Variants in KIFC1 observed in about 807,000 individuals in gnomAD.
KIFC1 encodes the protein kinesin family member C1, also known as kinesin-like protein KIFC1.
A neutral mutation model predicts 66.6 loss-of-function variants in KIFC1; 37 were observed. The observed-to-expected ratio is 0.56, with a 90% CI of 0.43 to 0.73. The LOEUF is 0.73. Among genes scored for constraint, KIFC1 ranks in the 30% least tolerant of loss-of-function variants. The pLI, the probability that KIFC1 is intolerant of heterozygous loss-of-function variation, is 0.00. For missense variants in KIFC1, 721 were observed against 859.8 expected, an observed-to-expected ratio of 0.84 and a Z score of 2.02; for synonymous variants, 325 against 343.5, an observed-to-expected ratio of 0.95 and a Z score of 0.60.
rs905217589 is a variant in KIFC1 at position 33,400,702 on chromosome 6, A to G, written c.250+2315A>G. 1 of 575,694 alleles carries G rather than the reference A, an allele frequency of 1.7e-6. No individual in the cohort carries two copies. The highest frequency in any genetic ancestry group is 3.1e-6 in the Non-Finnish European group (1 of 322,344). The allele number at this position is 575,694 out of a possible 1,614,324, so 35.7% of individuals were successfully genotyped here. On this transcript the variant is annotated intron_variant, in intron 3 of 10. Transcript: ENST00000428849. This position sits in a 1 kb window ranked among gnomAD's most constrained non-coding sequence, Gnocchi z 4.3. ...CGCTCTGTCGCCCAGGCTGGAGTGC[A>G]GTGGCACAATCTCGGCTCACTGCAA...
rs562615563 is a variant in KIFC1 at position 33,404,951 on chromosome 6, C to T, written c.856C>T (p.Arg286Trp). The stretch of plus-strand genomic sequence containing the variant: ...GGCCCAGGCAGCCTTACTGACTGAG[C>T]GGGAAGAACGTCTTCATGGGCTAGA... ...TVAQAALLTE[R>W]EERLHGLEME... Residue 286 changes from arginine (R) to tryptophan (W), a missense_variant, in exon 7 of 11, where the codon CGG (arginine) becomes TGG (tryptophan). Transcript: ENST00000428849. The surrounding 1 kb of genome is among the most constrained non-coding windows in gnomAD (Gnocchi z 4.0). 2.8e-5 allele frequency: 46 copies of T among 1,614,074 alleles called. No individual in the cohort carries two copies. In the East Asian group the frequency reaches 2.9e-4, roughly 10 times the overall value.
chr6:33,392,724 G>C (rs1230481373), intron 1 of KIFC1, among the ~76,000 whole-genome samples: 1 of 152,120 alleles, frequency 6.6e-6, no homozygotes, highest in African/African-American at 2.4e-5. Context: ...TTCACGTTCA[G>C]GTTTCCCTGA....
chr6:33,395,561 A>G (rs1030059716), intron 1 of KIFC1, among the ~76,000 whole-genome samples: 20 of 152,196 alleles, frequency 1.3e-4, no homozygotes, highest in African/African-American at 3.9e-4. Context: ...TATGCTTCTC[A>G]CTGTGGAAAG....
intron 1 of KIFC1, among the ~76,000 whole-genome samples, chr6:33,396,892 T>C (rs376449773): frequency 6.9e-4 from 104 of 151,782 alleles, no homozygotes; most frequent in Non-Finnish European, 9.7e-4. Flanking sequence ...CCGTGTTAGC[T>C]AGGATGGTCT....
rs990031307 is a variant in KIFC1, at chr6:33,406,169, T to C, written c.1537-27T>C. ...ACTATGTACTGACTTCTGCCTGCCT[T>C]TTTGCCCCTTCTGCTCCCATCCCCA... On this transcript the variant is annotated intron_variant, in intron 7 of 10. Transcript: ENST00000428849. The surrounding 1 kb of genome is among the most constrained non-coding windows in gnomAD (Gnocchi z 4.5). 1 of 1,574,962 alleles carries C rather than the reference T, an allele frequency of 6.3e-7. No individual in the cohort carries two copies. The highest frequency in any genetic ancestry group is 8.6e-7 in the Non-Finnish European group (1 of 1,157,620).
In KIFC1 at chr6:33,405,767, G is replaced by C; in HGVS notation, c.1536+136G>C. 3 of 950,634 alleles carry C rather than the reference G, an allele frequency of 3.2e-6. No homozygotes were observed. Among genetic ancestry groups the C allele is most frequent in the Non-Finnish European group, 4.4e-6 (3 of 676,380 alleles). 58.9% of individuals were successfully genotyped at this position (950,634 alleles called of 1,614,324 possible). ...GTTATCAGGCTGGGTTACCACATCC[G>C]GTTTTGGCCTGTGGGCTGTCGGTAG... On this transcript the variant is annotated intron_variant, in intron 7 of 10. Transcript: ENST00000428849. This position sits in a 1 kb window ranked among gnomAD's most constrained non-coding sequence, Gnocchi z 5.4.
intron 1 of KIFC1, among the ~76,000 whole-genome samples, chr6:33,396,151 A>G (rs1287921493): frequency 6.6e-6 from 1 of 152,246 alleles, no homozygotes; most frequent in East Asian, 1.9e-4. Flanking sequence ...AAAAATAATG[A>G]TGCTCTGTGA....
At position 33,405,259 on chromosome 6, in the gene KIFC1, T is replaced by A. The variant is rs1409177792; in HGVS notation, c.1164T>A (p.Phe388Leu). The A allele has an allele frequency of 6.2e-7, 1 of 1,614,096 alleles. No individual in the cohort carries two copies. Among genetic ancestry groups the A allele is most frequent in the Non-Finnish European group, 8.5e-7 (1 of 1,180,046 alleles). ...FPPGSGQDEV[F>L]EEIAMLVQSA... is the part of the protein sequence containing the mutation. ...CAGGAAGTGGACAGGATGAAGTGTT[T>A]GAAGAGATTGCCATGCTTGTCCAGT... Residue 388 changes from phenylalanine to leucine, a missense_variant, in exon 7 of 11, where the codon TTT becomes TTA. Coordinates refer to ENST00000428849, the MANE Select transcript of KIFC1 (RefSeq NM_002263.4). The surrounding 1 kb of genome is among the most constrained non-coding windows in gnomAD (Gnocchi z 5.4).
At chr6:33,407,860 C>G (rs554805800) in intron 10 of KIFC1, among the ~76,000 whole-genome samples, 1 of 152,208 alleles carries the variant, frequency 6.6e-6, no homozygotes, top group Non-Finnish European at 1.5e-5. Context: ...CTCTGGTACA[C>G]CCTCCTCCTG....
chr6:33,409,122 C>T (rs1775785691), intron 10 of KIFC1, among the ~76,000 whole-genome samples: 1 of 152,104 alleles, frequency 6.6e-6, no homozygotes, highest in Non-Finnish European at 1.5e-5. Flanking sequence ...GCCGAGATCG[C>T]GCCACTGCAC....
chr6:33,408,898 C>T (rs1296760674), intron 10 of KIFC1, among the ~76,000 whole-genome samples: 4 of 152,078 alleles, frequency 2.6e-5, no homozygotes, highest in African/African-American at 2.4e-5. Context: ...CCTGGCCGGG[C>T]GCGGTGGCTC....
chr6:33,393,608 T>C (rs1774896019), intron 1 of KIFC1, among the ~76,000 whole-genome samples: 1 of 150,674 alleles, frequency 6.6e-6, no homozygotes, highest in Non-Finnish European at 1.5e-5. Context: ...GCCTGGCTGA[T>C]TTTTTGTATT....
At chr6:33,393,254 G>A (rs986620970) in intron 1 of KIFC1, among the ~76,000 whole-genome samples, 4 of 152,066 alleles carry the variant, frequency 2.6e-5, no homozygotes, top group Admixed American at 6.6e-5. Context: ...TGAGCAAGGG[G>A]AAAAGTTGTG....
At chr6:33,399,635 AAC>A (rs9280439) in intron 3 of KIFC1, among the ~76,000 whole-genome samples, 14,219 of 152,290 alleles carry the variant, frequency 0.093, 949 homozygotes, top group Middle Eastern at 0.17. Context: ...TAGGTAACAT[AAC>A]ACAGTGGTAA....
At chr6:33,396,971 C>G (rs1225954940) in intron 1 of KIFC1, among the ~76,000 whole-genome samples, 1 of 146,390 alleles carries the variant, frequency 6.8e-6, no homozygotes, top group Non-Finnish European at 1.5e-5. Context: ...CATAAGCCAC[C>G]GCGCCTGGCC....
At chr6:33,394,198 C>T (rs974675156) in intron 1 of KIFC1, among the ~76,000 whole-genome samples, 1 of 152,078 alleles carries the variant, frequency 6.6e-6, no homozygotes, top group African/African-American at 2.4e-5. Context: ...AGTTGAGAAC[C>T]ACTGGTTTAT....
Position 33,406,912 on chromosome 6 carries a change from G to T in KIFC1, c.1977+37G>T. ...ACCCGTCAGCCTTGTCAGGACCCGT[G>T]GGTGGTTGTAGGCTTCTCCATTCCA... On this transcript the variant is annotated intron_variant, in intron 10 of 10. Coordinates refer to ENST00000428849, the MANE Select transcript of KIFC1 (RefSeq NM_002263.4). This position sits in a 1 kb window ranked among gnomAD's most constrained non-coding sequence, Gnocchi z 4.5. The T allele has an allele frequency of 1.2e-6, 2 of 1,613,508 alleles. No homozygotes were observed. Among genetic ancestry groups the T allele is most frequent in the Non-Finnish European group, 1.7e-6 (2 of 1,179,712 alleles).
Position 33,403,950 on chromosome 6 carries a change from G to T in KIFC1, c.577G>T (p.Ala193Ser). 6.2e-7 allele frequency: 1 copy of T among 1,614,234 alleles called. No homozygotes were observed. The highest frequency in any genetic ancestry group is 2.2e-5 in the East Asian group (1 of 44,894). Residue 193 changes from alanine to serine, a missense_variant, in exon 6 of 11, where the codon GCC becomes TCC. Transcript: ENST00000428849. The surrounding 1 kb of genome is among the most constrained non-coding windows in gnomAD (Gnocchi z 4.6). The part of the protein sequence containing the change: ...TERTTLEGHL[A>S]KVQAQAEQGQ... ...GCGCACAACACTGGAGGGGCATTTAGCCAAGGTACAGGCCCAGGCTGAGCA... is the reference window on the plus strand; with the variant it reads ...GCGCACAACACTGGAGGGGCATTTATCCAAGGTACAGGCCCAGGCTGAGCA...
chr6:33,405,325 C>G lies in KIFC1; in HGVS notation c.1230C>G (p.Gly410=). 6.2e-7 allele frequency: 1 copy of G among 1,614,000 alleles called. No homozygotes were observed. The highest frequency in any genetic ancestry group is 8.5e-7 in the Non-Finnish European group (1 of 1,180,004). ...DGYPVCIFAY[G]QTGSGKTFTM... Reference sequence around the variant, plus strand: ...ATCCAGTATGCATCTTTGCCTATGGCCAGACAGGCAGTGGCAAGACCTTCA... The same window carrying G: ...ATCCAGTATGCATCTTTGCCTATGGGCAGACAGGCAGTGGCAAGACCTTCA... The change falls in exon 7 of 11, where the codon GGC becomes GGG. Residue 410 remains glycine (G), a synonymous_variant. Transcript: ENST00000428849. The surrounding 1 kb of genome is among the most constrained non-coding windows in gnomAD (Gnocchi z 5.4).
Sources: gnomAD v4.1 joint callset for allele counts (sites outside exome capture counted in the v4.1 genomes callset) on GRCh38, gnomAD v4.1.1 for gene constraint, Gnocchi (gnomAD v3.1) non-coding constraint, MANE v1.5 for transcripts, NCBI Gene and HGNC (gene_info 2026-07-23, HGNC 2026-07-21) for gene names.